The following CIRSR variants were observed in gnomAD, a reference collection of about 807,000 sequenced individuals.
The protein encoded by CIRSR is corepressor of RBPJ and splicing regulator.
chr2:174,366,595 C>T, the CIRSR span, among the ~76,000 whole-genome samples: 25 of 152,086 alleles, frequency 1.6e-4, no homozygotes, highest in Non-Finnish European at 3.1e-4. Flanking sequence ...AAACTCAGAT[C>T]TACATAAAGA....
At chr2:174,393,018 T>C in the CIRSR span, among the ~76,000 whole-genome samples, 3 of 152,326 alleles carry the variant, frequency 2.0e-5, no homozygotes, top group East Asian at 5.8e-4. Context: ...GGAACACTTA[T>C]ATTTTAGGAG....
the CIRSR span, chr2:174,395,519 G>A: frequency 6.2e-7 from 1 of 1,604,038 alleles, no homozygotes; most frequent in Non-Finnish European, 8.5e-7. Flanking sequence ...GGTCCCTGTG[G>A]GCCTAATCCC....
At chr2:174,373,828 CT>C in the CIRSR span, among the ~76,000 whole-genome samples, 76,126 of 147,754 alleles carry the variant, frequency 0.52, 21,032 homozygotes, top group East Asian at 0.8. Flanking sequence ...TACTATCCCC[CT>C]GTGTGTGTGT....
At chr2:174,388,476 C>T in the CIRSR span, among the ~76,000 whole-genome samples, 3 of 152,196 alleles carry the variant, frequency 2.0e-5, no homozygotes, top group Admixed American at 1.3e-4. Context: ...GCTGGGATTA[C>T]AGGCGTAAGC....
the CIRSR span, among the ~76,000 whole-genome samples, chr2:174,395,144 TTAGG>T: frequency 6.6e-6 from 1 of 152,182 alleles, no homozygotes; most frequent in African/African-American, 2.4e-5. Flanking sequence ...CACTAGATTA[TTAGG>T]TAATTTTTTT....
chr2:174,354,457 A>AT, the CIRSR span, among the ~76,000 whole-genome samples: 1 of 94,434 alleles, frequency 1.1e-5, no homozygotes, highest in African/African-American at 4.8e-5. Context: ...TATATAATAT[A>AT]ATATATAAAA....
At chr2:174,377,824 C>CAAAAAAA in the CIRSR span, among the ~76,000 whole-genome samples, 36 of 60,006 alleles carry the variant, frequency 6.0e-4, 1 homozygote, top group Non-Finnish European at 8.0e-4. Context: ...GACGCCATCT[C>CAAAAAAA]AAAAAAAAAA....
chr2:174,366,787 T>C, the CIRSR span, among the ~76,000 whole-genome samples: 1 of 152,196 alleles, frequency 6.6e-6, no homozygotes, highest in African/African-American at 2.4e-5. Context: ...GAGGGAGCTA[T>C]TCAGTTGTAG....
chr2:174,364,756 G>A, the CIRSR span, among the ~76,000 whole-genome samples: 1 of 152,184 alleles, frequency 6.6e-6, no homozygotes, highest in Non-Finnish European at 1.5e-5. Context: ...GCCACAGCTG[G>A]AGTGGCTGGG....
At chr2:174,364,434 G>A in the CIRSR span, among the ~76,000 whole-genome samples, 3 of 152,204 alleles carry the variant, frequency 2.0e-5, no homozygotes, top group South Asian at 2.1e-4. Flanking sequence ...TCTGCAGGAC[G>A]GTGGCCCTCT....
chr2:174,348,790 C>T, the CIRSR span: 2 of 1,614,178 alleles, frequency 1.2e-6, no homozygotes, highest in Non-Finnish European at 1.7e-6. Flanking sequence ...TTGTCAGAAT[C>T]AGAATGGCTC....
chr2:174,395,508 C>T, the CIRSR span: 1 of 1,575,482 alleles, frequency 6.3e-7, no homozygotes, highest in Non-Finnish European at 8.7e-7. Context: ...TCTGGGAAGG[C>T]GGTCCCTGTG....
At chr2:174,361,034 A>G in the CIRSR span, among the ~76,000 whole-genome samples, 2 of 152,214 alleles carry the variant, frequency 1.3e-5, no homozygotes, top group African/African-American at 4.8e-5. Flanking sequence ...CCTACATATT[A>G]TAAAGGAGAG....
At chr2:174,348,709 G>A in the CIRSR span, 1 of 1,614,156 alleles carries the variant, frequency 6.2e-7, no homozygotes, top group Non-Finnish European at 8.5e-7. Context: ...TCCCTGCCGT[G>A]GCTTCTGCTG....
At chr2:174,388,740 G>A in the CIRSR span, among the ~76,000 whole-genome samples, 2 of 151,884 alleles carry the variant, frequency 1.3e-5, no homozygotes, top group Admixed American at 1.3e-4. Context: ...TATATATCAT[G>A]GAGATCTGAT....
At chr2:174,353,531 G>A in the CIRSR span, among the ~76,000 whole-genome samples, 1 of 152,062 alleles carries the variant, frequency 6.6e-6, no homozygotes, top group Admixed American at 6.6e-5. Context: ...GCAGTGGCAC[G>A]ATCTCGGCTC....
chr2:174,353,174 A>T, the CIRSR span, among the ~76,000 whole-genome samples: 1 of 152,132 alleles, frequency 6.6e-6, no homozygotes, highest in Non-Finnish European at 1.5e-5. Flanking sequence ...ACTGTCTATT[A>T]TTGGAGTATG....
At chr2:174,393,019 A>G in the CIRSR span, among the ~76,000 whole-genome samples, 1 of 152,236 alleles carries the variant, frequency 6.6e-6, no homozygotes, top group African/African-American at 2.4e-5. Flanking sequence ...GAACACTTAT[A>G]TTTTAGGAGC....
the CIRSR span, among the ~76,000 whole-genome samples, chr2:174,349,497 G>A: frequency 2.0e-5 from 3 of 150,772 alleles, no homozygotes; most frequent in Non-Finnish European, 4.4e-5. Flanking sequence ...CCCGGGAGGC[G>A]GAGGTTGCAG....
Sources: gnomAD v4.1 joint callset for allele counts (sites outside exome capture counted in the v4.1 genomes callset) on GRCh38, gnomAD v4.1.1 for gene constraint, MANE v1.5 for transcripts, NCBI Gene and HGNC (gene_info 2026-07-23, HGNC 2026-07-21) for gene names.